Variants in DPYSL2 observed in about 807,000 individuals in gnomAD.
The protein encoded by DPYSL2 is dihydropyrimidinase-related protein 2.
In DPYSL2, 13 loss-of-function variants were observed where a neutral mutation model predicts 69.9. The ratio of observed to expected loss-of-function variants is 0.19; its 90% CI spans 0.12 to 0.30. DPYSL2 has a LOEUF of 0.30. DPYSL2 is among the 10% of genes least tolerant of loss of function. DPYSL2 has a pLI of 1.00. For missense variants in DPYSL2, 587 were observed against 918.9 expected (o/e 0.64, Z 4.67); for synonymous variants, 326 against 359.1 (o/e 0.91, Z 1.04).
chr8:26,554,282 G>C (rs1013885760), intron 1 of DPYSL2, among the ~76,000 whole-genome samples: 2 of 151,850 alleles, frequency 1.3e-5, no homozygotes, highest in Non-Finnish European at 2.9e-5. Context: ...CAGAGATACT[G>C]AGCTTTTTTT....
chr8:26,582,806 A>G lies in DPYSL2; in HGVS notation c.443+749A>G, dbSNP rs1801518751. On this transcript the variant is annotated intron_variant, in intron 2 of 13. Transcript: ENST00000521913. This position sits in a 1 kb window ranked among gnomAD's most constrained non-coding sequence, Gnocchi z 4.1. ...AGCCAGTGACAGCTTTTAAATAAGC[A>G]GCATTCATCAAGGGATAGCTGTAAA... 6.6e-6 allele frequency among the ~76,000 whole-genome samples: 1 copy of G among 152,238 alleles called. No homozygotes were observed. Among genetic ancestry groups the G allele is most frequent in the Admixed American group, 6.5e-5 (1 of 15,278 alleles).
In DPYSL2 at chr8:26,617,971, T is replaced by A. The variant is rs1802393703; in HGVS notation, c.629-6172T>A. ...GAGTGAACTAAAAGCCACCGGGTTA[T>A]ACCCTTTAAATGAGTGATTGCATAG... On this transcript the variant is annotated intron_variant, in intron 3 of 13. Coordinates refer to ENST00000521913, the MANE Select transcript of DPYSL2 (RefSeq NM_001197293.3). The surrounding 1 kb of genome is among the most constrained non-coding windows in gnomAD (Gnocchi z 4.7). Among the ~76,000 whole-genome samples the A allele has an allele frequency of 6.6e-6, 1 of 152,228 alleles. No homozygotes were observed. Among genetic ancestry groups the A allele is most frequent in the Admixed American group, 6.5e-5 (1 of 15,290 alleles).
intron 1 of DPYSL2, among the ~76,000 whole-genome samples, chr8:26,541,219 C>T (rs116408873): frequency 1.5e-3 from 235 of 152,286 alleles, no homozygotes; most frequent in African/African-American, 5.6e-3. Flanking sequence ...TTGGCAGAAA[C>T]TTCGCAGACT....
At chr8:26,546,179 T>G (rs1465646636) in intron 1 of DPYSL2, among the ~76,000 whole-genome samples, 3 of 152,262 alleles carry the variant, frequency 2.0e-5, no homozygotes, top group Non-Finnish European at 4.4e-5. Flanking sequence ...TCAAAAAAAT[T>G]GTAGGTTTCC....
At chr8:26,539,682 G>T (rs1472274100) in intron 1 of DPYSL2, among the ~76,000 whole-genome samples, 1 of 152,160 alleles carries the variant, frequency 6.6e-6, no homozygotes, top group Admixed American at 6.5e-5. Context: ...TGGGACTACA[G>T]GGATGCACCA....
At chr8:26,590,281 A>G (rs1801696297) in intron 3 of DPYSL2, among the ~76,000 whole-genome samples, 1 of 152,176 alleles carries the variant, frequency 6.6e-6, no homozygotes, top group South Asian at 2.1e-4. Context: ...CCAATGGGCC[A>G]TTGGTGTGGG....
chr8:26,620,817 C>T lies in DPYSL2; in HGVS notation c.629-3326C>T, dbSNP rs532893385. Among the ~76,000 whole-genome samples the T allele has an allele frequency of 5.7e-4, 86 of 152,172 alleles. 1 individual carries two copies. The highest frequency in any genetic ancestry group is 1.9e-3 in the African/African-American group (80 of 41,514). ...AAATAGATATGTTAAACCTATCAGG[C>T]TTCCTTATTTACATTGGCTAGAGAG... is the stretch of plus-strand genomic sequence containing the variant. On this transcript the variant is annotated intron_variant, in intron 3 of 13. Transcript: ENST00000521913. This position sits in a 1 kb window ranked among gnomAD's most constrained non-coding sequence, Gnocchi z 4.5.
intron 3 of DPYSL2, among the ~76,000 whole-genome samples, chr8:26,592,381 G>C (rs1801746584): frequency 6.6e-6 from 1 of 152,028 alleles, no homozygotes; most frequent in African/African-American, 2.4e-5. Flanking sequence ...ATGAACTCTT[G>C]GCCTCCGTTG....
chr8:26,533,559 G>T lies in DPYSL2; in HGVS notation c.354+18880G>T, dbSNP rs182730366. Among the ~76,000 whole-genome samples the T allele has an allele frequency of 3.5e-4, 54 of 152,294 alleles. No homozygotes were observed. Among genetic ancestry groups the T allele is most frequent in the African/African-American group, 9.6e-4 (40 of 41,564 alleles). On this transcript the variant is annotated intron_variant, in intron 1 of 13. Coordinates refer to ENST00000521913, the MANE Select transcript of DPYSL2 (RefSeq NM_001197293.3). This position sits in a 1 kb window ranked among gnomAD's most constrained non-coding sequence, Gnocchi z 4.8. ...TTTTTCTATGTGGTATGAGACAGGG[G>T]TCTAACTTCATTATTTTGCCTGTGG...
At chr8:26,595,906 G>T (rs1801850400) in intron 3 of DPYSL2, among the ~76,000 whole-genome samples, 1 of 152,166 alleles carries the variant, frequency 6.6e-6, no homozygotes, top group African/African-American at 2.4e-5. Flanking sequence ...GAGGCGAGCA[G>T]CTTCTTTGTG....
rs1200653729 is a variant in DPYSL2, at chr8:26,571,231, A to G, written c.355-10738A>G. On this transcript the variant is annotated intron_variant, in intron 1 of 13. Coordinates refer to ENST00000521913, the MANE Select transcript of DPYSL2 (RefSeq NM_001197293.3). The surrounding 1 kb of genome is among the most constrained non-coding windows in gnomAD (Gnocchi z 6.1). ...GTCGCTAAGTGTCCAGAAGTAGACT[A>G]GTTTAAAAACCTTCCTGGACCTTAC... Among the ~76,000 whole-genome samples the G allele has an allele frequency of 1.3e-5, 2 of 152,122 alleles. No individual in the cohort carries two copies. The highest frequency in any genetic ancestry group is 4.8e-5 in the African/African-American group (2 of 41,410).
rs1801079192 is a variant in DPYSL2 at position 26,562,024 on chromosome 8, A to G, written c.355-19945A>G. On this transcript the variant is annotated intron_variant, in intron 1 of 13. Coordinates refer to ENST00000521913, the MANE Select transcript of DPYSL2 (RefSeq NM_001197293.3). The surrounding 1 kb of genome is among the most constrained non-coding windows in gnomAD (Gnocchi z 4.9). ...CACACTTGATATTATAGTTTTATTT[A>G]CATACCACCATTCACCTTGATTCAA... Among the ~76,000 whole-genome samples, 1 of 152,188 alleles carries G rather than the reference A, an allele frequency of 6.6e-6. No homozygotes were observed. The highest frequency in any genetic ancestry group is 1.5e-5 in the Non-Finnish European group (1 of 68,034).
chr8:26,615,487 A>G (rs1269213812), intron 3 of DPYSL2, among the ~76,000 whole-genome samples: 2 of 152,130 alleles, frequency 1.3e-5, no homozygotes, highest in African/African-American at 4.8e-5. Flanking sequence ...TTCAGTGTCC[A>G]GTGGATGCTG....
In DPYSL2 at chr8:26,654,826, A is replaced by G. The variant is rs182571611; in HGVS notation, c.1943-789A>G. Among the ~76,000 whole-genome samples the G allele has an allele frequency of 1.3e-5, 2 of 152,118 alleles. No homozygotes were observed. Among genetic ancestry groups the G allele is most frequent in the East Asian group, 3.9e-4 (2 of 5,146 alleles). On this transcript the variant is annotated intron_variant, in intron 13 of 13. Coordinates refer to ENST00000521913, the MANE Select transcript of DPYSL2 (RefSeq NM_001197293.3). This position sits in a 1 kb window ranked among gnomAD's most constrained non-coding sequence, Gnocchi z 5.0. ...GTTACCTTAGGCTCATCTCCTTTTT[A>G]AAAAGTTTATTTTTATTTTTAGAGA...
At chr8:26,535,138 G>A (rs1272611980) in intron 1 of DPYSL2, among the ~76,000 whole-genome samples, 3 of 152,146 alleles carry the variant, frequency 2.0e-5, no homozygotes, top group Admixed American at 6.5e-5. Flanking sequence ...CAGCATGATT[G>A]GGTTCTGTTG....
At chr8:26,539,489 A>C (rs1354876499) in intron 1 of DPYSL2, among the ~76,000 whole-genome samples, 2 of 152,206 alleles carry the variant, frequency 1.3e-5, no homozygotes, top group Admixed American at 6.5e-5. Flanking sequence ...CACTACATAC[A>C]CAGTAACGTT....
chr8:26,634,760 G>A lies in DPYSL2; in HGVS notation c.1006-20G>A. Reference sequence around the variant, plus strand: ...GGGGTGGGCTGAGCCACATTCTCATGCTCTGCTGCTGTTTTGCAGGTCGAG... The same window carrying A: ...GGGGTGGGCTGAGCCACATTCTCATACTCTGCTGCTGTTTTGCAGGTCGAG... On this transcript the variant is annotated intron_variant, in intron 7 of 13. Transcript: ENST00000521913. 6.2e-7 allele frequency: 1 copy of A among 1,614,022 alleles called. No individual in the cohort carries two copies. The highest frequency in any genetic ancestry group is 8.5e-7 in the Non-Finnish European group (1 of 1,179,970).
At chr8:26,556,232 ATT>A (rs1347656510) in intron 1 of DPYSL2, among the ~76,000 whole-genome samples, 1 of 8,660 alleles carries the variant, frequency 1.2e-4, no homozygotes, top group Non-Finnish European at 2.5e-4. Context: ...TATATATAGT[ATT>A]TATATAATAT....
chr8:26,604,734 A>G (rs1174671728), intron 3 of DPYSL2, among the ~76,000 whole-genome samples: 7 of 150,990 alleles, frequency 4.6e-5, no homozygotes, highest in African/African-American at 1.2e-4. Flanking sequence ...GCTCACTGCA[A>G]CCTCCACCTC....
Sources: allele counts gnomAD v4.1 joint callset (sites outside exome capture counted in the v4.1 genomes callset), GRCh38; gene constraint gnomAD v4.1.1; non-coding constraint Gnocchi (gnomAD v3.1); transcripts MANE v1.5; gene names NCBI Gene and HGNC (gene_info 2026-07-23, HGNC 2026-07-21).